The following ATAD2B variants were observed in gnomAD, a reference collection of about 807,000 sequenced individuals.
The protein encoded by ATAD2B is ATPase family AAA domain-containing protein 2B.
Under a neutral mutation model 167.6 loss-of-function variants are expected in ATAD2B, and 40 were observed. The ratio of observed to expected loss-of-function variants is 0.24; its 90% CI spans 0.19 to 0.31. The LOEUF is 0.31. ATAD2B is among the 10% of genes least tolerant of loss of function. The pLI is 1.00. For missense variants in ATAD2B, 1,242 were observed against 1,757.2 expected (o/e 0.71, Z 5.24); for synonymous variants, 579 against 596.5 (o/e 0.97, Z 0.43).
the ATAD2B span, among the ~76,000 whole-genome samples, chr2:23,685,042 C>A: frequency 6.6e-6 from 1 of 152,218 alleles, no homozygotes; most frequent in Non-Finnish European, 1.5e-5. Flanking sequence ...TTTTCCCCAG[C>A]CCAAGTAGGG....
intron 13 of ATAD2B, among the ~76,000 whole-genome samples, chr2:23,853,612 T>C (rs949310124): frequency 4.1e-4 from 62 of 152,216 alleles, no homozygotes; most frequent in African/African-American, 1.4e-3. Context: ...GAAAGACGAA[T>C]AAGGATGCAA....
At chr2:23,793,075 G>A (rs1466797262) in intron 19 of ATAD2B, among the ~76,000 whole-genome samples, 5 of 144,180 alleles carry the variant, frequency 3.5e-5, no homozygotes, top group Non-Finnish European at 7.5e-5. Context: ...CAGTTCCCTT[G>A]TATCTTATGA....
intron 8 of ATAD2B, chr2:23,872,911 T>C (rs1395320369): frequency 1.3e-6 from 1 of 772,920 alleles, no homozygotes; most frequent in Non-Finnish European, 2.4e-6. Flanking sequence ...CATCTCCTTA[T>C]GGCCCGCCGG....
At chr2:23,697,741 C>A in the ATAD2B span, 1 of 152,296 alleles carries the variant, frequency 6.6e-6, no homozygotes, top group African/African-American at 2.4e-5. Flanking sequence ...TGGGCATTGC[C>A]ACGTGAAAAT....
At chr2:23,908,141 G>C (rs1291777785) in intron 1 of ATAD2B, among the ~76,000 whole-genome samples, 4 of 152,088 alleles carry the variant, frequency 2.6e-5, no homozygotes, top group African/African-American at 9.7e-5. Context: ...TTGACAAATG[G>C]GATCTAATTA....
Position 23,749,317 on chromosome 2 carries a change from G to T in ATAD2B, c.*2729C>A, listed in dbSNP as rs1225561248. The stretch of plus-strand genomic sequence containing the variant: ...GCATGAATTATTGCTGAGCTATGCT[G>T]TGATACATATTTTACTCATCTGAGA... On this transcript the variant is annotated 3_prime_UTR_variant, in exon 28 of 28. Coordinates refer to ENST00000238789, the MANE Select transcript of ATAD2B (RefSeq NM_017552.4). 1 of 152,112 alleles carries T rather than the reference G, an allele frequency of 6.6e-6. No homozygotes were observed. The highest frequency in any genetic ancestry group is 1.9e-4 in the East Asian group (1 of 5,194). The allele number at this position is 152,112 out of a possible 1,614,324, so 9.4% of individuals were successfully genotyped here.
chr2:23,772,813 G>A lies in ATAD2B; in HGVS notation c.3134-7185C>T, dbSNP rs534048499. 7.2e-5 allele frequency among the ~76,000 whole-genome samples: 11 copies of A among 152,210 alleles called. No homozygotes were observed. In the East Asian group the frequency reaches 1.2e-3, roughly 16 times the overall value. On this transcript the variant is annotated intron_variant, in intron 22 of 27. Coordinates refer to ENST00000238789, the MANE Select transcript of ATAD2B (RefSeq NM_017552.4). ...TGGCATGATCATGCCTTATAGCAGC[G>A]TCAACCTCCTGGCCTCAAACAGTCC...
At chr2:23,713,469 G>A in the ATAD2B span, among the ~76,000 whole-genome samples, 4 of 151,498 alleles carry the variant, frequency 2.6e-5, no homozygotes, top group Admixed American at 2.6e-4. Flanking sequence ...CCCTTTTAAA[G>A]TGGTTTTTCA....
chr2:23,741,575 C>A, the ATAD2B span, among the ~76,000 whole-genome samples: 8 of 152,008 alleles, frequency 5.3e-5, no homozygotes, highest in Admixed American at 5.2e-4. Flanking sequence ...AAGACTTAAA[C>A]GTTAGCCCTA....
chr2:23,873,889 C>T (rs769330887), intron 8 of ATAD2B, among the ~76,000 whole-genome samples: 5 of 152,034 alleles, frequency 3.3e-5, no homozygotes, highest in African/African-American at 1.2e-4. Flanking sequence ...AACTGAAAAG[C>T]CAAAATCCTA....
intron 22 of ATAD2B, among the ~76,000 whole-genome samples, chr2:23,770,349 A>T (rs1572682703): frequency 7.1e-6 from 1 of 141,474 alleles, no homozygotes; most frequent in Non-Finnish European, 1.6e-5. Flanking sequence ...AATAAATAAA[A>T]AGATTAATGA....
At chr2:23,774,808 G>A (rs988380131) in intron 22 of ATAD2B, among the ~76,000 whole-genome samples, 7 of 152,226 alleles carry the variant, frequency 4.6e-5, no homozygotes, top group Admixed American at 6.5e-5. Context: ...GCTGAGGCAG[G>A]AGAATCGCTT....
chr2:23,896,266 C>T (rs1224518201), intron 1 of ATAD2B, among the ~76,000 whole-genome samples: 10 of 150,998 alleles, frequency 6.6e-5, no homozygotes. Flanking sequence ...CGGAGGCTGC[C>T]GTGAGCCGAG....
chr2:23,913,153 C>T (rs1429825383), intron 1 of ATAD2B, among the ~76,000 whole-genome samples: 1 of 151,882 alleles, frequency 6.6e-6, no homozygotes, highest in African/African-American at 2.4e-5. Context: ...TACATTTTTC[C>T]CCAGCACACA....
chr2:23,708,766 G>A, the ATAD2B span, among the ~76,000 whole-genome samples: 6 of 152,296 alleles, frequency 3.9e-5, no homozygotes, highest in South Asian at 1.0e-3. Flanking sequence ...AAGGTTTAGA[G>A]TTGAAAAGCC....
chr2:23,781,532 G>A (rs1680056302), intron 22 of ATAD2B, among the ~76,000 whole-genome samples: 1 of 151,834 alleles, frequency 6.6e-6, no homozygotes, highest in Non-Finnish European at 1.5e-5. Flanking sequence ...GGACGTGGTG[G>A]CAGGTGCCTG....
chr2:23,745,368 A>AGGAAGGAAGGAAGGAAGGAAG (rs1553367843), downstream of ATAD2B, among the ~76,000 whole-genome samples: 1 of 52,884 alleles, frequency 1.9e-5, no homozygotes, highest in African/African-American at 8.2e-5. Flanking sequence ...AAGGAAGGAA[A>AGGAAGGAAGGAAGGAAGGAAG]GAAGGAAGGA....
the ATAD2B span, among the ~76,000 whole-genome samples, chr2:23,730,912 TAA>T: frequency 6.7e-6 from 1 of 148,404 alleles, no homozygotes; most frequent in Non-Finnish European, 1.5e-5. Flanking sequence ...AAAAGATAAA[TAA>T]AAAGAGACTG....
chr2:23,866,917 A>T (rs1162313516), intron 10 of ATAD2B, among the ~76,000 whole-genome samples: 2 of 152,206 alleles, frequency 1.3e-5, no homozygotes, highest in African/African-American at 4.8e-5. Context: ...ATAAGATACT[A>T]CTAACAATGA....
Sources: gnomAD v4.1 joint callset for allele counts (sites outside exome capture counted in the v4.1 genomes callset) on GRCh38, gnomAD v4.1.1 for gene constraint, MANE v1.5 for transcripts, NCBI Gene and HGNC (gene_info 2026-07-23, HGNC 2026-07-21) for gene names.